MLXIP: variants seen among roughly 807,000 people sequenced by gnomAD.
The protein encoded by MLXIP is MLX interacting protein.
In MLXIP, 30 loss-of-function variants were observed where a neutral mutation model predicts 87.2. The observed-to-expected ratio is 0.34, with a 90% CI of 0.26 to 0.47. MLXIP has a LOEUF of 0.47. MLXIP is among the 20% of genes least tolerant of loss of function. The pLI is 1.00. For missense variants in MLXIP, 1,002 were observed against 1,240.1 expected, an observed-to-expected ratio of 0.81 and a Z score of 2.88; for synonymous variants, 530 against 514.0, an observed-to-expected ratio of 1.03 and a Z score of -0.42.
rs776510718 is a variant in MLXIP at position 122,138,419 on chromosome 12, T to A, written c.2257-5T>A. The A allele has an allele frequency of 3.7e-6, 6 of 1,613,340 alleles. No homozygotes were observed. The Admixed American group carries it at 8.3e-5, about 22-fold the overall frequency. The stretch of plus-strand genomic sequence containing the variant: ...GCTGCCTCCAGCCACCTGCCCCTTC[T>A]GCAGACCAGTCACGCCATCACACTG... On this transcript the variant is annotated splice_region_variant and splice_polypyrimidine_tract_variant and intron_variant, in intron 13 of 16. Coordinates refer to ENST00000319080, the MANE Select transcript of MLXIP (RefSeq NM_014938.6).
At chr12:122,100,173 C>G (rs1174159951) in intron 1 of MLXIP, among the ~76,000 whole-genome samples, 2 of 152,082 alleles carry the variant, frequency 1.3e-5, no homozygotes, top group Admixed American at 1.3e-4. Flanking sequence ...GTTAGTTATT[C>G]AGACTGACTT....
chr12:122,084,236 G>A lies in MLXIP; in HGVS notation c.413+4970G>A, dbSNP rs1185612156. On this transcript the variant is annotated intron_variant, in intron 1 of 16. Transcript: ENST00000319080. ...GTGCGGATGGTTTTCCTGACATCAG[G>A]CTTCAATGTGTATCTCCCCTTTCGC... is the stretch of plus-strand genomic sequence containing the variant. Among the ~76,000 whole-genome samples, 4 of 151,308 alleles carry A rather than the reference G, an allele frequency of 2.6e-5. No homozygotes were observed. The East Asian group carries it at 5.9e-4, about 22-fold the overall frequency.
In MLXIP at chr12:122,141,913, G is replaced by A; in HGVS notation, c.*101G>A. On this transcript the variant is annotated 3_prime_UTR_variant, in exon 17 of 17. Transcript: ENST00000319080. ...AGCCCTTCCTGACGCTCAGCCTCGG[G>A]GCCTCTCTCCAACTCTGCCGGCCCA... The A allele has an allele frequency of 6.5e-7, 1 of 1,533,958 alleles. No homozygotes were observed. Among genetic ancestry groups the A allele is most frequent in the South Asian group, 1.2e-5 (1 of 81,734 alleles).
chr12:122,127,208 C>T (rs1565980516), intron 1 of MLXIP, 48 bp from the exon 2 acceptor site: 1 of 1,454,986 alleles, frequency 6.9e-7, no homozygotes, highest in Non-Finnish European at 9.6e-7. Context: ...AATTTCACTT[C>T]AATTTCAGAG....
At chr12:122,131,153 G>T (rs951893833) in intron 7 of MLXIP, among the ~76,000 whole-genome samples, 1 of 152,080 alleles carries the variant, frequency 6.6e-6, no homozygotes, top group Non-Finnish European at 1.5e-5. Context: ...GGATTTAGCC[G>T]TGACTGTAAG....
chr12:122,092,104 T>G (rs1593063613), intron 1 of MLXIP, among the ~76,000 whole-genome samples: 1 of 151,888 alleles, frequency 6.6e-6, no homozygotes, highest in African/African-American at 2.4e-5. Flanking sequence ...TCTTTTTTCT[T>G]TTCTTTTCTT....
intron 5 of MLXIP, 136 bp from the exon 6 acceptor site, chr12:122,129,805 C>T (rs1952943719): frequency 7.7e-7 from 1 of 1,294,762 alleles, no homozygotes; most frequent in Non-Finnish European, 1.1e-6. Flanking sequence ...GGGAGCCGCT[C>T]TCCAAATGCC....
At position 122,088,130 on chromosome 12, in the gene MLXIP, C is replaced by T. The variant is rs141021224; in HGVS notation, c.413+8864C>T. 4.3e-3 allele frequency among the ~76,000 whole-genome samples: 658 copies of T among 152,244 alleles called. 7 individuals carry two copies. Among genetic ancestry groups the T allele is most frequent in the African/African-American group, 0.015 (619 of 41,550 alleles). Reference sequence around the variant, plus strand: ...CTGTCAGTGTGGTGGACATCACAGCCGCCTACTTTGCCCTACCCAGGTGCC... The same window carrying T: ...CTGTCAGTGTGGTGGACATCACAGCTGCCTACTTTGCCCTACCCAGGTGCC... On this transcript the variant is annotated intron_variant, in intron 1 of 16. Transcript: ENST00000319080.
At chr12:122,084,801 G>A (rs142385170) in intron 1 of MLXIP, among the ~76,000 whole-genome samples, 64,557 of 151,950 alleles carry the variant, frequency 0.42, 14,138 homozygotes, top group Middle Eastern at 0.63. Context: ...GCCAGTCTCG[G>A]CCTCCCAAAG....
chr12:122,125,083 T>G (rs910480113), intron 1 of MLXIP, among the ~76,000 whole-genome samples: 4 of 152,200 alleles, frequency 2.6e-5, no homozygotes, highest in Non-Finnish European at 2.9e-5. Context: ...GGAGAATCAC[T>G]TGAACCCGGG....
In MLXIP at chr12:122,141,187, G is replaced by A. The variant is rs965585966; in HGVS notation, c.2638+104G>A. On this transcript the variant is annotated intron_variant, in intron 16 of 16. Coordinates refer to ENST00000319080, the MANE Select transcript of MLXIP (RefSeq NM_014938.6). ...GCCAGACTCCACTGCAGGCAGCCAG[G>A]TGGGGCCGGGGCAGGGGCACAGTGC... 3.4e-6 allele frequency: 5 copies of A among 1,451,698 alleles called. No individual in the cohort carries two copies. In the East Asian group the frequency reaches 7.5e-5, roughly 22 times the overall value. The allele number at this position is 1,451,698 out of a possible 1,614,324, so 89.9% of individuals were successfully genotyped here. A position where few individuals can be genotyped will look rare whatever the true frequency, so the allele number is the denominator to read the frequency against.
At chr12:122,085,787 G>A (rs748652587) in intron 1 of MLXIP, among the ~76,000 whole-genome samples, 6 of 152,152 alleles carry the variant, frequency 3.9e-5, no homozygotes, top group Non-Finnish European at 7.3e-5. Context: ...GATGGTGTTC[G>A]TATCGTGGCT....
rs1953121696 is a variant in MLXIP, at chr12:122,137,831, T to G, written c.2154+241T>G. 6.6e-6 allele frequency among the ~76,000 whole-genome samples: 1 copy of G among 152,174 alleles called. No homozygotes were observed. The highest frequency in any genetic ancestry group is 2.1e-4 in the South Asian group (1 of 4,832). ...GAGCCAACGCTGAGTCCACGTAGTG[T>G]GCAGGTACTGCTCAGGCTGCCCGCA... is the stretch of plus-strand genomic sequence containing the variant. On this transcript the variant is annotated intron_variant, in intron 12 of 16. Coordinates refer to ENST00000319080, the MANE Select transcript of MLXIP (RefSeq NM_014938.6). This position sits in a 1 kb window ranked among gnomAD's most constrained non-coding sequence, Gnocchi z 4.1.
At chr12:122,094,624 C>T (rs1323328653) in intron 1 of MLXIP, among the ~76,000 whole-genome samples, 3 of 103,762 alleles carry the variant, frequency 2.9e-5, no homozygotes, top group African/African-American at 3.9e-5. Context: ...TGTATGTTTT[C>T]GGTGTCTGTG....
rs1348784554 is a variant in MLXIP at position 122,129,633 on chromosome 12, G to A, written c.738+4G>A. ...GGACCTCTCCAGCCTGGTCCAGGTG[G>A]GTGAGCCTGGGAGCTCTGAGGACCC... On this transcript the variant is annotated splice_donor_region_variant and intron_variant, in intron 5 of 16. Transcript: ENST00000319080. 2 of 1,607,946 alleles carry A rather than the reference G, an allele frequency of 1.2e-6. No homozygotes were observed. Among genetic ancestry groups the A allele is most frequent in the Admixed American group, 1.7e-5 (1 of 59,532 alleles).
At chr12:122,093,449 TGG>T (rs1952280800) in intron 1 of MLXIP, among the ~76,000 whole-genome samples, 8 of 141,398 alleles carry the variant, frequency 5.7e-5, no homozygotes, top group Non-Finnish European at 1.2e-4. Flanking sequence ...GTTGTATGTG[TGG>T]GGTGTGTGTA....
chr12:122,121,010 G>GTTTTTTTTTTTTTTTTTTTTTGTTTTTTT (rs1233404015), intron 1 of MLXIP, among the ~76,000 whole-genome samples: 1 of 111,910 alleles, frequency 8.9e-6, no homozygotes, highest in African/African-American at 3.6e-5. Context: ...TGCATGCTTG[G>GTTTTTTTTTTTTTTTTTTTTTGTTTTTTT]TTTTTTTTTT....
Position 122,135,400 on chromosome 12 carries a change from A to T in MLXIP, c.1854+55A>T. On this transcript the variant is annotated intron_variant, in intron 10 of 16. Transcript: ENST00000319080. This position sits in a 1 kb window ranked among gnomAD's most constrained non-coding sequence, Gnocchi z 5.3. ...GTCCTTCTCACCCCGGAGCACTCTG[A>T]TCTTGGGCGGCCCTCACCTGAGACG... 1 of 1,600,558 alleles carries T rather than the reference A, an allele frequency of 6.2e-7. No individual in the cohort carries two copies. Among genetic ancestry groups the T allele is most frequent in the South Asian group, 1.1e-5 (1 of 89,012 alleles).
At chr12:122,087,293 A>C (rs973342343) in intron 1 of MLXIP, among the ~76,000 whole-genome samples, 1 of 151,452 alleles carries the variant, frequency 6.6e-6, no homozygotes, top group African/African-American at 2.4e-5. Flanking sequence ...CTCTCCCCTC[A>C]TGGGACTTCC....
Sources: gnomAD v4.1 joint callset for allele counts (sites outside exome capture counted in the v4.1 genomes callset) on GRCh38, gnomAD v4.1.1 for gene constraint, Gnocchi (gnomAD v3.1) non-coding constraint, MANE v1.5 for transcripts, NCBI Gene and HGNC (gene_info 2026-07-23, HGNC 2026-07-21) for gene names.